RBFOX1: variants seen among roughly 807,000 people sequenced by gnomAD.
RBFOX1 encodes the protein RNA binding fox-1 homolog 1.
Under a neutral mutation model 57.7 loss-of-function variants are expected in RBFOX1, and 8 were observed. The observed-to-expected ratio is 0.14, with a 90% confidence interval of 0.08 to 0.25. RBFOX1 has a LOEUF of 0.25. Among genes scored for constraint, RBFOX1 ranks in the 10% least tolerant of loss-of-function variants. The pLI is 1.00. For synonymous variants in RBFOX1, 326 were observed against 222.4 expected (o/e 1.47, Z -4.15); for missense variants, 611 against 548.5 (o/e 1.11, Z -1.14).
intron 1 of RBFOX1, among the ~76,000 whole-genome samples, chr16:6,175,659 G>A (rs1456033322): frequency 2.0e-5 from 3 of 152,156 alleles, no homozygotes; most frequent in Non-Finnish European, 4.4e-5. Context: ...AGGGATCTGA[G>A]TAAAATATAG....
At chr16:7,063,125 C>T (rs181656645) in intron 4 of RBFOX1, among the ~76,000 whole-genome samples, 1 of 151,864 alleles carries the variant, frequency 6.6e-6, no homozygotes, top group African/African-American at 2.4e-5. Context: ...GTATTGACAG[C>T]TAAGAGAAAG....
At chr16:6,767,734 T>G (rs1339512195) in intron 3 of RBFOX1, among the ~76,000 whole-genome samples, 2 of 151,412 alleles carry the variant, frequency 1.3e-5, no homozygotes, top group Non-Finnish European at 2.9e-5. Context: ...GCCAATATGG[T>G]GAAACCCCAT....
intron 3 of RBFOX1, among the ~76,000 whole-genome samples, chr16:5,780,199 C>T (rs1054035481): frequency 1.3e-5 from 2 of 152,148 alleles, no homozygotes; most frequent in African/African-American, 4.8e-5. Flanking sequence ...GATGGGATTT[C>T]ACTATCTTGG....
At chr16:6,559,959 C>T (rs940530390) in intron 2 of RBFOX1, among the ~76,000 whole-genome samples, 1 of 152,100 alleles carries the variant, frequency 6.6e-6, no homozygotes, top group Non-Finnish European at 1.5e-5. Context: ...TGTTTTCCAA[C>T]CCACATGAAC....
chr16:7,096,920 A>T (rs1023322263), intron 4 of RBFOX1, among the ~76,000 whole-genome samples: 7 of 119,884 alleles, frequency 5.8e-5, no homozygotes, highest in African/African-American at 2.0e-4. Flanking sequence ...TGACAGAGCG[A>T]GACTCCATCT....
At chr16:7,334,871 C>T (rs1288447630) in intron 4 of RBFOX1, among the ~76,000 whole-genome samples, 2 of 152,162 alleles carry the variant, frequency 1.3e-5, no homozygotes, top group Admixed American at 1.3e-4. Flanking sequence ...TTAGCCTGAT[C>T]ATACTGTGTT....
intron 1 of RBFOX1, among the ~76,000 whole-genome samples, chr16:6,119,754 C>T (rs1021624114): frequency 1.3e-5 from 2 of 152,220 alleles, no homozygotes; most frequent in Non-Finnish European, 2.9e-5. Context: ...CCTCCCTCAG[C>T]CTCCTGAAAC....
intron 2 of RBFOX1, among the ~76,000 whole-genome samples, chr16:5,484,894 C>A (rs185305668): frequency 0.018 from 2,457 of 134,334 alleles, 69 homozygotes; most frequent in African/African-American, 0.06. Context: ...AGACTCCATC[C>A]AAAAAAAAAA....
intron 1 of RBFOX1, among the ~76,000 whole-genome samples, chr16:6,163,384 G>A (rs1463347795): frequency 1.3e-5 from 2 of 152,176 alleles, no homozygotes; most frequent in Admixed American, 6.6e-5. Context: ...ATTTCATTTT[G>A]CACAAAGGAA....
At position 7,630,116 on chromosome 16, in the gene RBFOX1, C is replaced by G. The variant is rs563188782; in HGVS notation, c.677-487C>G. Among the ~76,000 whole-genome samples the G allele has an allele frequency of 3.9e-5, 6 of 151,906 alleles. No individual in the cohort carries two copies. The South Asian group carries it at 1.3e-3, about 32-fold the overall frequency. ...AGTGATTATTACATGCCAGCCCCTG[C>G]CCTGGGTACGTCTCCAGTCATATGA... is the stretch of plus-strand genomic sequence containing the variant. On this transcript the variant is annotated intron_variant, in intron 10 of 15. Transcript: ENST00000550418.
At chr16:6,696,010 C>G (rs972342366) in intron 3 of RBFOX1, among the ~76,000 whole-genome samples, 1 of 152,116 alleles carries the variant, frequency 6.6e-6, no homozygotes, top group Non-Finnish European at 1.5e-5. Context: ...ATTTCTACAG[C>G]GTATCCACTT....
At chr16:7,365,002 A>ATCTG (rs199952691) in intron 4 of RBFOX1, among the ~76,000 whole-genome samples, 5 of 137,120 alleles carry the variant, frequency 3.6e-5, no homozygotes, top group Admixed American at 3.0e-4. Flanking sequence ...TGGGGAATCT[A>ATCTG]TCTGTCTGTC....
intron 1 of RBFOX1, among the ~76,000 whole-genome samples, chr16:6,205,668 C>T (rs1358968035): frequency 6.6e-6 from 1 of 151,936 alleles, no homozygotes; most frequent in Non-Finnish European, 1.5e-5. Context: ...TTTGCTTCTC[C>T]TGACACCACA....
intron 1 of RBFOX1, among the ~76,000 whole-genome samples, chr16:5,350,818 T>C (rs370454953): frequency 2.6e-5 from 4 of 152,280 alleles, no homozygotes; most frequent in South Asian, 4.1e-4. Context: ...TGAGCCGATA[T>C]TGCACCACTG....
intron 1 of RBFOX1, among the ~76,000 whole-genome samples, chr16:6,259,882 A>G (rs2097691262): frequency 6.7e-6 from 1 of 150,034 alleles, no homozygotes; most frequent in South Asian, 2.1e-4. Context: ...AATTGCTTGA[A>G]CCCGAGAGAT....
chr16:6,920,126 A>G (rs375361043), intron 3 of RBFOX1, among the ~76,000 whole-genome samples: 2 of 152,084 alleles, frequency 1.3e-5, no homozygotes, highest in African/African-American at 4.8e-5. Context: ...GTTCCATTTT[A>G]TGGCTGAGTC....
rs188161140 is a variant in RBFOX1, at chr16:6,871,111, G to A, written c.-15-180946G>A. 2.9e-3 allele frequency among the ~76,000 whole-genome samples: 441 copies of A among 152,294 alleles called. 3 individuals carry two copies. Among genetic ancestry groups the A allele is most frequent in the Middle Eastern group, 0.01 (3 of 294 alleles). On this transcript the variant is annotated intron_variant, in intron 3 of 15. Coordinates refer to ENST00000550418, the MANE Select transcript of RBFOX1 (RefSeq NM_018723.4). Reference sequence around the variant, plus strand: ...TTATCTTTCTTCTTACATTCTTTAGGATGGAATTTGATGAAGGTTCCTTTC... The same window carrying A: ...TTATCTTTCTTCTTACATTCTTTAGAATGGAATTTGATGAAGGTTCCTTTC...
intron 5 of RBFOX1, among the ~76,000 whole-genome samples, chr16:7,576,797 T>C (rs2093374386): frequency 6.6e-6 from 1 of 152,236 alleles, no homozygotes; most frequent in South Asian, 2.1e-4. Context: ...CAAATCTATG[T>C]TTCCTTCTCA....
intron 10 of RBFOX1, among the ~76,000 whole-genome samples, chr16:7,626,455 A>C (rs1356519223): frequency 6.6e-6 from 1 of 152,246 alleles, no homozygotes; most frequent in East Asian, 1.9e-4. Flanking sequence ...GGTTGTGGGG[A>C]TGCCGATGAT....
Sources: gnomAD v4.1 joint callset for allele counts (sites outside exome capture counted in the v4.1 genomes callset) on GRCh38, gnomAD v4.1.1 for gene constraint, MANE v1.5 for transcripts, NCBI Gene and HGNC (gene_info 2026-07-23, HGNC 2026-07-21) for gene names.